The following PTPN13 variants were observed in gnomAD, a reference collection of about 807,000 sequenced individuals.
PTPN13 encodes protein tyrosine phosphatase non-receptor type 13, also known as tyrosine-protein phosphatase non-receptor type 13.
A neutral mutation model predicts 284.0 loss-of-function variants in PTPN13; 191 were observed. The observed-to-expected ratio is 0.67, with a 90% CI of 0.60 to 0.76. The LOEUF is 0.76. Ranked by LOEUF, PTPN13 falls within the 30% of genes least tolerant of loss-of-function variation. The pLI is 0.00. For missense variants in PTPN13, 2,797 were observed against 2,939.9 expected, an observed-to-expected ratio of 0.95 and a Z score of 1.12; for synonymous variants, 986 against 1,022.3, an observed-to-expected ratio of 0.96 and a Z score of 0.68.
Position 86,701,476 on chromosome 4 carries a change from T to C in PTPN13, c.870T>C (p.Ile290=), listed in dbSNP as rs752406651. The C allele has an allele frequency of 1.9e-5, 30 of 1,613,788 alleles. No homozygotes were observed. The highest frequency in any genetic ancestry group is 2.4e-5 in the Non-Finnish European group (28 of 1,179,850). ...CAGAAAAAAAACCCATCCCTGGCAT[T>C]GATGTGCTTTCTAAGAAGAAGATCT... The part of the protein sequence containing the change: ...SGPEKKPIPG[I]DVLSKKKIWA... The change falls in exon 7 of 48, where the codon ATT becomes ATC. Residue 290 remains isoleucine (I), a synonymous_variant. Coordinates refer to ENST00000411767, the MANE Select transcript of PTPN13 (RefSeq NM_080683.3).
intron 2 of PTPN13, among the ~76,000 whole-genome samples, chr4:86,668,395 G>C (rs1032097177): frequency 3.3e-5 from 5 of 152,122 alleles, no homozygotes; most frequent in African/African-American, 1.2e-4. Flanking sequence ...TTGCAGGTTT[G>C]CATAACCCTT....
At chr4:86,803,593 T>C in intron 42 of PTPN13, 116 bp from the exon 43 acceptor site, 1 of 1,121,368 alleles carries the variant, frequency 8.9e-7, no homozygotes, top group Non-Finnish European at 1.3e-6. Context: ...ATTCTATCTC[T>C]AAATAAATAA....
intron 2 of PTPN13, among the ~76,000 whole-genome samples, chr4:86,666,441 T>A (rs1002049561): frequency 6.6e-6 from 1 of 152,158 alleles, no homozygotes; most frequent in Non-Finnish European, 1.5e-5. Context: ...AAGAGCAGCT[T>A]AAAAAGGTTG....
chr4:86,668,738 G>T (rs1273719019), intron 2 of PTPN13, among the ~76,000 whole-genome samples: 3 of 150,188 alleles, frequency 2.0e-5, no homozygotes, highest in Non-Finnish European at 3.0e-5. Flanking sequence ...TGGGATTACA[G>T]GTACCCACCA....
chr4:86,628,514 T>A (rs1359365030), intron 1 of PTPN13, among the ~76,000 whole-genome samples: 1 of 149,816 alleles, frequency 6.7e-6, no homozygotes, highest in African/African-American at 2.4e-5. Flanking sequence ...TTTTTTTTTT[T>A]ATTATACTCT....
intron 1 of PTPN13, among the ~76,000 whole-genome samples, chr4:86,619,922 G>A (rs189316875): frequency 7.7e-4 from 117 of 152,086 alleles, no homozygotes; most frequent in Admixed American, 1.3e-3. Context: ...CCACACTCTT[G>A]TGGCTCATAT....
At chr4:86,634,042 G>A (rs1408319232) in intron 1 of PTPN13, among the ~76,000 whole-genome samples, 1 of 152,168 alleles carries the variant, frequency 6.6e-6, no homozygotes, top group Non-Finnish European at 1.5e-5. Flanking sequence ...AAAGGAAAGT[G>A]AAAGGACAAG....
chr4:86,693,911 TTC>T (rs1367749345), intron 6 of PTPN13, among the ~76,000 whole-genome samples: 1 of 152,092 alleles, frequency 6.6e-6, no homozygotes, highest in Non-Finnish European at 1.5e-5. Context: ...TTATTTCCCT[TTC>T]CAGTATTGGT....
chr4:86,597,426 A>T lies in PTPN13; in HGVS notation c.-6+2637A>T, dbSNP rs2149137792. Among the ~76,000 whole-genome samples, 5 of 150,128 alleles carry T rather than the reference A, an allele frequency of 3.3e-5. 1 individual carries two copies. In the Middle Eastern group the frequency reaches 0.014, roughly 414 times the overall value. Reference sequence around the variant, plus strand: ...CTAATTTTGTTTATTTTATTTTTTTAAATAGAGACAATGTCTCGCTGTATT... The same window carrying T: ...CTAATTTTGTTTATTTTATTTTTTTTAATAGAGACAATGTCTCGCTGTATT... On this transcript the variant is annotated intron_variant, in intron 1 of 47. Transcript: ENST00000411767.
Position 86,774,510 on chromosome 4 carries a change from AC to A in PTPN13, c.5489del (p.Pro1830LeufsTer6). ...CAGCCAAAAGTGATGGAAGGCTAAAACCTGGGGACCGGCTCATAAAGGTGAG... is the reference window on the plus strand; with the variant it reads ...CAGCCAAAAGTGATGGAAGGCTAAAACTGGGGACCGGCTCATAAAGGTGAG... Reference protein sequence around the residue: ...DPAKSDGRLKPGDRLIKVNDT... With the variant: ...DPAKSDGRLKXGDRLIKVNDT... On this transcript the variant is annotated frameshift_variant, in exon 33 of 48. Coordinates refer to ENST00000411767, the MANE Select transcript of PTPN13 (RefSeq NM_080683.3). LOFTEE classifies it high-confidence loss of function. 6.2e-7 allele frequency: 1 copy of A among 1,601,690 alleles called. No individual in the cohort carries two copies. The highest frequency in any genetic ancestry group is 8.5e-7 in the Non-Finnish European group (1 of 1,173,928).
At chr4:86,814,313 G>A in intron 47 of PTPN13, 143 bp from the exon 48 acceptor site, 1 of 544,264 alleles carries the variant, frequency 1.8e-6, no homozygotes, top group South Asian at 2.9e-5. Flanking sequence ...CCTACACCCT[G>A]TTTCTTGCAT....
chr4:86,757,677 T>A (rs1578589180), intron 20 of PTPN13, among the ~76,000 whole-genome samples: 1 of 150,768 alleles, frequency 6.6e-6, no homozygotes, highest in Non-Finnish European at 1.5e-5. Flanking sequence ...GGTGGGAGGA[T>A]CTGCTTGAGC....
chr4:86,638,225 G>A (rs561750045), intron 2 of PTPN13, among the ~76,000 whole-genome samples: 63 of 152,208 alleles, frequency 4.1e-4, no homozygotes, highest in Admixed American at 1.3e-3. Flanking sequence ...GGTAGGAAGA[G>A]TCAATATCGT....
rs186742642 is a variant in PTPN13, at chr4:86,607,769, A to C, written c.-6+12980A>C. Among the ~76,000 whole-genome samples, 132 of 152,142 alleles carry C rather than the reference A, an allele frequency of 8.7e-4. 1 individual carries two copies. Among genetic ancestry groups the C allele is most frequent in the Middle Eastern group, 3.4e-3 (1 of 294 alleles). Reference sequence around the variant, plus strand: ...TCATGAGTTTTTTTATGAGCTTTTAAAACAGTTCTTGCAATGATATATTTT... The same window carrying C: ...TCATGAGTTTTTTTATGAGCTTTTACAACAGTTCTTGCAATGATATATTTT... On this transcript the variant is annotated intron_variant, in intron 1 of 47. Coordinates refer to ENST00000411767, the MANE Select transcript of PTPN13 (RefSeq NM_080683.3).
chr4:86,736,842 A>T lies in PTPN13; in HGVS notation c.2304+1096A>T, dbSNP rs1735572902. 2.0e-5 allele frequency among the ~76,000 whole-genome samples: 3 copies of T among 152,190 alleles called. No homozygotes were observed. The South Asian group carries it at 6.2e-4, about 32-fold the overall frequency. ...TCCTTGTAAATAGCATGCCTAAGGA[A>T]TATTAGGTTGCCCTACTCCTTCTAA... is the stretch of plus-strand genomic sequence containing the variant. On this transcript the variant is annotated intron_variant, in intron 15 of 47. Coordinates refer to ENST00000411767, the MANE Select transcript of PTPN13 (RefSeq NM_080683.3).
At chr4:86,688,811 A>G (rs1729716422) in intron 4 of PTPN13, among the ~76,000 whole-genome samples, 194 bp from the exon 5 acceptor site, 1 of 152,192 alleles carries the variant, frequency 6.6e-6, no homozygotes. Context: ...GTATAAGTTA[A>G]CTATCTTCTG....
intron 1 of PTPN13, among the ~76,000 whole-genome samples, chr4:86,613,582 C>T (rs552653321): frequency 3.8e-4 from 54 of 142,952 alleles, no homozygotes; most frequent in African/African-American, 1.2e-3. Context: ...TGCAGTGAGC[C>T]AAGATTGTGC....
At chr4:86,687,100 C>T (rs1729539163) in intron 4 of PTPN13, among the ~76,000 whole-genome samples, 1 of 152,198 alleles carries the variant, frequency 6.6e-6, no homozygotes, top group African/African-American at 2.4e-5. Context: ...AATGTAGTGA[C>T]TGTTAAGAGG....
chr4:86,803,282 T>TAAATA (rs139900703), intron 42 of PTPN13, among the ~76,000 whole-genome samples: 1 of 150,776 alleles, frequency 6.6e-6, no homozygotes, highest in Non-Finnish European at 1.5e-5. Flanking sequence ...ATATATAAAA[T>TAAATA]AAATAAAATA....
Sources: gnomAD v4.1 joint callset for allele counts (sites outside exome capture counted in the v4.1 genomes callset) on GRCh38, gnomAD v4.1.1 for gene constraint, MANE v1.5 for transcripts, NCBI Gene and HGNC (gene_info 2026-07-23, HGNC 2026-07-21) for gene names.